Variants in LURAP1 observed in about 807,000 individuals in gnomAD.
LURAP1 encodes leucine rich adaptor protein 1, also known as NF-kappa-B activator C1orf190.
Under a neutral mutation model 19.0 loss-of-function variants are expected in LURAP1, and 14 were observed. The ratio of observed to expected loss-of-function variants is 0.74; its 90% CI spans 0.49 to 1.15. The LOEUF is 1.15. Among genes scored for constraint, LURAP1 ranks in the 50% most tolerant of loss-of-function variants. LURAP1 has a pLI of 0.00. For missense variants in LURAP1, 273 were observed against 309.1 expected (o/e 0.88, Z 0.87); for synonymous variants, 129 against 131.8 (o/e 0.98, Z 0.14).
chr1:46,212,070 C>T (rs1481232902), intron 1 of LURAP1, among the ~76,000 whole-genome samples: 1 of 151,952 alleles, frequency 6.6e-6, no homozygotes, highest in African/African-American at 2.4e-5. Flanking sequence ...CCTCAATGTA[C>T]AAATATTAAT....
chr1:46,209,349 T>G (rs1557683916), intron 1 of LURAP1, among the ~76,000 whole-genome samples: 1 of 151,962 alleles, frequency 6.6e-6, no homozygotes, highest in East Asian at 1.9e-4. Context: ...GCAAAAACCC[T>G]TAAAGGTCTT....
At chr1:46,206,970 G>A (rs1050610321) in intron 1 of LURAP1, among the ~76,000 whole-genome samples, 2 of 152,198 alleles carry the variant, frequency 1.3e-5, no homozygotes, top group African/African-American at 4.8e-5. Flanking sequence ...TCACTGTAGA[G>A]TGATGTGGTT....
intron 1 of LURAP1, among the ~76,000 whole-genome samples, chr1:46,217,428 G>A (rs1302478406): frequency 6.6e-6 from 1 of 152,146 alleles, no homozygotes; most frequent in Non-Finnish European, 1.5e-5. Context: ...AGTAACTATA[G>A]TAAACTACAT....
chr1:46,210,247 G>A (rs1215509602), intron 1 of LURAP1, among the ~76,000 whole-genome samples: 1 of 152,050 alleles, frequency 6.6e-6, no homozygotes, highest in Non-Finnish European at 1.5e-5. Flanking sequence ...TTGCCATAGT[G>A]TTTAGAAAAC....
chr1:46,215,304 C>T (rs1659033318), intron 1 of LURAP1, among the ~76,000 whole-genome samples: 1 of 151,140 alleles, frequency 6.6e-6, no homozygotes. Flanking sequence ...TCAGGACACC[C>T]TCTGTCCAAG....
chr1:46,220,245 C>T lies in LURAP1; in HGVS notation c.*25C>T. 1 of 1,570,052 alleles carries T rather than the reference C, an allele frequency of 6.4e-7. No individual in the cohort carries two copies. ...ACAACTATTCCACCCTTTTGTAATCCTGTGGCTCTTTTATCCATTAGATGT... is the reference window on the plus strand; with the variant it reads ...ACAACTATTCCACCCTTTTGTAATCTTGTGGCTCTTTTATCCATTAGATGT... On this transcript the variant is annotated 3_prime_UTR_variant, in exon 2 of 2. Transcript: ENST00000371980.
At chr1:46,217,877 T>C (rs1659116248) in intron 1 of LURAP1, among the ~76,000 whole-genome samples, 1 of 151,948 alleles carries the variant, frequency 6.6e-6, no homozygotes, top group Non-Finnish European at 1.5e-5. Context: ...AAAAGAAAGT[T>C]AAGTCCCTAA....
chr1:46,220,146 G>A lies in LURAP1; in HGVS notation c.646G>A (p.Asp216Asn). 1 of 1,614,202 alleles carries A rather than the reference G, an allele frequency of 6.2e-7. No individual in the cohort carries two copies. The highest frequency in any genetic ancestry group is 8.5e-7 in the Non-Finnish European group (1 of 1,180,038). Residue 216 changes from aspartate to asparagine, a missense_variant, in exon 2 of 2, where the codon GAT (aspartate) becomes AAT (asparagine). Coordinates refer to ENST00000371980, the MANE Select transcript of LURAP1 (RefSeq NM_001013615.3). ...AGGTGGACCACCTGAGTCACCAGAG[G>A]ATGAGAGTGCCAAGCTGGGCTTCGA... Reference protein sequence around the residue: ...LQGGPPESPEDESAKLGFEAH... With the variant: ...LQGGPPESPENESAKLGFEAH...
At chr1:46,216,368 A>G (rs1211562015) in intron 1 of LURAP1, among the ~76,000 whole-genome samples, 3 of 146,972 alleles carry the variant, frequency 2.0e-5, no homozygotes, top group Non-Finnish European at 4.5e-5. Context: ...ATTTGAGAGA[A>G]ATCTCATTCT....
At chr1:46,212,170 T>G (rs541608689) in intron 1 of LURAP1, among the ~76,000 whole-genome samples, 2 of 152,342 alleles carry the variant, frequency 1.3e-5, no homozygotes, top group African/African-American at 4.8e-5. Context: ...CAAAAAACAT[T>G]TACTGTGTTT....
At chr1:46,214,301 G>A (rs927290965) in intron 1 of LURAP1, among the ~76,000 whole-genome samples, 3 of 150,348 alleles carry the variant, frequency 2.0e-5, no homozygotes, top group African/African-American at 2.5e-5. Context: ...AGCCGAGATC[G>A]TGCCACTGCA....
intron 1 of LURAP1, among the ~76,000 whole-genome samples, chr1:46,205,231 C>G (rs547525864): frequency 2.0e-5 from 3 of 152,008 alleles, no homozygotes; most frequent in African/African-American, 7.2e-5. Context: ...GCACTCCAGC[C>G]TGGGTGACAG....
At chr1:46,216,043 CTTTTT>C (rs141982741) in intron 1 of LURAP1, among the ~76,000 whole-genome samples, 25 of 92,550 alleles carry the variant, frequency 2.7e-4, no homozygotes, top group African/African-American at 1.0e-3. Flanking sequence ...TTTATTTTAT[CTTTTT>C]TTTTTTTTTT....
chr1:46,216,751 G>A (rs1659083994), intron 1 of LURAP1, among the ~76,000 whole-genome samples: 1 of 152,118 alleles, frequency 6.6e-6, no homozygotes, highest in African/African-American at 2.4e-5. Context: ...CAGGAAGTGA[G>A]CATAGTACCC....
chr1:46,220,015 C>G lies in LURAP1; in HGVS notation c.515C>G (p.Ala172Gly), dbSNP rs1462528315. 2 of 1,614,180 alleles carry G rather than the reference C, an allele frequency of 1.2e-6. No homozygotes were observed. Among genetic ancestry groups the G allele is most frequent in the Non-Finnish European group, 1.7e-6 (2 of 1,180,034 alleles). Residue 172 changes from alanine to glycine, a missense_variant, in exon 2 of 2, where the codon GCA becomes GGA. Physicochemically the swap from Ala to Gly is moderately conservative, Grantham distance 60. Coordinates refer to ENST00000371980, the MANE Select transcript of LURAP1 (RefSeq NM_001013615.3). Reference sequence around the variant, plus strand: ...GCTCCACGTTCCGAGATGGACTGGGCAAAAGTTATAGCTGGTGGAGAGAGG... The same window carrying G: ...GCTCCACGTTCCGAGATGGACTGGGGAAAAGTTATAGCTGGTGGAGAGAGG... ...PGAPRSEMDW[A>G]KVIAGGERAR...
rs937052586 is a variant in LURAP1 at position 46,216,055 on chromosome 1, T to G, written c.199-3644T>G. The stretch of plus-strand genomic sequence containing the variant: ...ACTTTTATTTTATCTTTTTTTTTTT[T>G]TTTTTTTTTTTGTGACGGAGTCTCG... On this transcript the variant is annotated intron_variant, in intron 1 of 1. Transcript: ENST00000371980. Among the ~76,000 whole-genome samples, 4 of 139,200 alleles carry G rather than the reference T, an allele frequency of 2.9e-5. 1 individual carries two copies. Among genetic ancestry groups the G allele is most frequent in the African/African-American group, 1.1e-4 (4 of 37,812 alleles). 91.3% of individuals were successfully genotyped at this position (139,200 alleles called of 152,430 possible).
Position 46,220,350 on chromosome 1 carries a change from C to G in LURAP1, c.*130C>G, listed in dbSNP as rs182025735. 2,867 of 939,412 alleles carry G rather than the reference C, an allele frequency of 3.1e-3. 9 individuals carry two copies. Among genetic ancestry groups the G allele is most frequent in the Admixed American group, 0.021 (811 of 37,954 alleles). The allele number at this position is 939,412 out of a possible 1,614,324, so 58.2% of individuals were successfully genotyped here. A position where few individuals can be genotyped will look rare whatever the true frequency, so the allele number is the denominator to read the frequency against. On this transcript the variant is annotated 3_prime_UTR_variant, in exon 2 of 2. Transcript: ENST00000371980. ...GAAATCAGTTACCATGGAAACCTGG[C>G]TCATCATTTCTCTAGTCCCTAGGGA...
At position 46,216,235 on chromosome 1, in the gene LURAP1, A is replaced by G. The variant is rs1376715713; in HGVS notation, c.199-3464A>G. Among the ~76,000 whole-genome samples, 4 of 151,742 alleles carry G rather than the reference A, an allele frequency of 2.6e-5. No homozygotes were observed. The East Asian group carries it at 7.8e-4, about 29-fold the overall frequency. ...CTAATTTTTTGTATTTTTAGTAGAGACGGGGTTTCACCGTGTTAGCCAGGA... is the reference window on the plus strand; with the variant it reads ...CTAATTTTTTGTATTTTTAGTAGAGGCGGGGTTTCACCGTGTTAGCCAGGA... On this transcript the variant is annotated intron_variant, in intron 1 of 1. Coordinates refer to ENST00000371980, the MANE Select transcript of LURAP1 (RefSeq NM_001013615.3).
intron 1 of LURAP1, 91 bp downstream of exon 1, chr1:46,203,715 A>G: frequency 7.7e-7 from 1 of 1,305,230 alleles, no homozygotes; most frequent in Non-Finnish European, 1.0e-6. Context: ...GCTGGAGAGG[A>G]GGTAGTTAAA....
Sources: gnomAD v4.1 joint callset for allele counts (sites outside exome capture counted in the v4.1 genomes callset) on GRCh38, gnomAD v4.1.1 for gene constraint, MANE v1.5 for transcripts, NCBI Gene and HGNC (gene_info 2026-07-23, HGNC 2026-07-21) for gene names.